Variants in FBXO11 observed in about 807,000 individuals in gnomAD.
The protein encoded by FBXO11 is F-box only protein 11.
A neutral mutation model predicts 117.0 loss-of-function variants in FBXO11; 13 were observed. The ratio of observed to expected loss-of-function variants is 0.11; its 90% CI spans 0.07 to 0.18. FBXO11 has a LOEUF of 0.18. FBXO11 is among the 10% of genes least tolerant of loss of function. The pLI, the probability that FBXO11 is intolerant of heterozygous loss-of-function variation, is 1.00. For synonymous variants in FBXO11, 490 were observed against 380.5 expected (o/e 1.29, Z -3.35); for missense variants, 767 against 1,164.4 (o/e 0.66, Z 4.97).
At chr2:47,858,499 T>C (rs905511372) in intron 1 of FBXO11, among the ~76,000 whole-genome samples, 4 of 149,786 alleles carry the variant, frequency 2.7e-5, no homozygotes, top group African/African-American at 4.9e-5. Flanking sequence ...CTGGCCATCA[T>C]GGTGTATCCC....
chr2:47,864,492 C>T (rs1471392440), intron 1 of FBXO11, among the ~76,000 whole-genome samples: 2 of 152,118 alleles, frequency 1.3e-5, no homozygotes, highest in Admixed American at 6.5e-5. Context: ...GAGGCTGAGG[C>T]AGGAGAATTG....
chr2:47,807,203 T>TTGTC lies in FBXO11; in HGVS notation c.*911_*914dup, dbSNP rs527978619. The stretch of plus-strand genomic sequence containing the variant: ...GAAATTGGTTTAATTTCCAGCAGTT[T>TTGTC]TGTCTAAACTGTTCAAAAAAAAACT... On this transcript the variant is annotated 3_prime_UTR_variant, in exon 23 of 23. Coordinates refer to ENST00000403359, the MANE Select transcript of FBXO11 (RefSeq NM_001190274.2). 104 of 260,530 alleles carry TTGTC rather than the reference T, an allele frequency of 4.0e-4. No individual in the cohort carries two copies. Among genetic ancestry groups the TTGTC allele is most frequent in the African/African-American group, 2.2e-3 (100 of 45,570 alleles). The allele number at this position is 260,530 out of a possible 1,614,324, so 16.1% of individuals were successfully genotyped here.
rs749546034 is a variant in FBXO11 at position 47,835,938 on chromosome 2, T to C, written c.651A>G (p.Lys217=). ...TRPMMHPEPG[K]FYQINPEEYE... is the part of the protein sequence containing the mutation. Reference sequence around the variant, plus strand: ...ACTCTTCTGGATTAATCTGGTAGAATTTTCCAGGTTCAGGATGCATCATAG... The same window carrying C: ...ACTCTTCTGGATTAATCTGGTAGAACTTTCCAGGTTCAGGATGCATCATAG... The change falls in exon 5 of 23, where the codon AAA becomes AAG. Residue 217 remains lysine, a synonymous_variant. Transcript: ENST00000403359. The C allele has an allele frequency of 5.6e-6, 9 of 1,612,064 alleles. No homozygotes were observed. The highest frequency in any genetic ancestry group is 1.6e-4 in the Middle Eastern group (1 of 6,064).
intron 1 of FBXO11, among the ~76,000 whole-genome samples, chr2:47,879,653 C>T (rs1002984961): frequency 3.9e-5 from 6 of 152,208 alleles, no homozygotes; most frequent in Non-Finnish European, 8.8e-5. Flanking sequence ...AGGCTACCCT[C>T]TGTCTATGAT....
At chr2:47,827,342 T>C (rs912583072) in intron 11 of FBXO11, among the ~76,000 whole-genome samples, 4 of 152,266 alleles carry the variant, frequency 2.6e-5, no homozygotes, top group African/African-American at 9.6e-5. Flanking sequence ...ACAGAGTGTC[T>C]GTCGCCCAGG....
At chr2:47,854,501 AAAAT>A (rs542521269) in intron 1 of FBXO11, among the ~76,000 whole-genome samples, 2 of 151,914 alleles carry the variant, frequency 1.3e-5, no homozygotes, top group African/African-American at 2.4e-5. Flanking sequence ...GAATAAAATA[AAAAT>A]AAATAAATAA....
intron 1 of FBXO11, among the ~76,000 whole-genome samples, chr2:47,897,399 C>G (rs1264673863): frequency 2.0e-5 from 3 of 152,086 alleles, no homozygotes; most frequent in African/African-American, 7.2e-5. Flanking sequence ...TAATTTCACA[C>G]TAAAGAAAAA....
chr2:47,858,585 G>C (rs1012280905), intron 1 of FBXO11, among the ~76,000 whole-genome samples: 3 of 149,570 alleles, frequency 2.0e-5, no homozygotes, highest in Non-Finnish European at 4.4e-5. Flanking sequence ...AGGAGGCTGA[G>C]GCAGGAGAAT....
At chr2:47,821,344 C>A (rs1243911601) in intron 13 of FBXO11, among the ~76,000 whole-genome samples, 1 of 152,122 alleles carries the variant, frequency 6.6e-6, no homozygotes, top group Non-Finnish European at 1.5e-5. Context: ...GGCGCGGTGG[C>A]TCACACCTGT....
intron 11 of FBXO11, among the ~76,000 whole-genome samples, chr2:47,825,871 C>T (rs570025912): frequency 2.5e-4 from 38 of 152,008 alleles, no homozygotes; most frequent in Non-Finnish European, 4.4e-4. Flanking sequence ...GCCACCATGC[C>T]GGGCCGACAA....
At chr2:47,855,536 A>T (rs1277951780) in intron 1 of FBXO11, among the ~76,000 whole-genome samples, 1 of 152,230 alleles carries the variant, frequency 6.6e-6, no homozygotes, top group African/African-American at 2.4e-5. Flanking sequence ...TGGAACACAC[A>T]AAAATAAAGG....
rs764534666 is a variant in FBXO11 at position 47,823,235 on chromosome 2, A to G, written c.1524T>C (p.His508=). The part of the protein sequence containing the change: ...HHGQTGGIYV[H]EKGRGQFIEN... ...CTATGAATTGTCCTCTTCCTTTTTCATGGACATATATTCCTCCAGTCTGCC... is the reference window on the plus strand; with the variant it reads ...CTATGAATTGTCCTCTTCCTTTTTCGTGGACATATATTCCTCCAGTCTGCC... Residue 508 remains histidine, a synonymous_variant, in exon 12 of 23, where the codon CAT becomes CAC. Coordinates refer to ENST00000403359, the MANE Select transcript of FBXO11 (RefSeq NM_001190274.2). 5.0e-6 allele frequency: 8 copies of G among 1,613,904 alleles called. No individual in the cohort carries two copies. Among genetic ancestry groups the G allele is most frequent in the Non-Finnish European group, 6.8e-6 (8 of 1,179,968 alleles).
chr2:47,854,741 AC>A (rs1291470008), intron 1 of FBXO11, among the ~76,000 whole-genome samples: 1 of 152,172 alleles, frequency 6.6e-6, no homozygotes, highest in Non-Finnish European at 1.5e-5. Context: ...TGCAGTGCTA[AC>A]ACGTTCCCAA....
intron 1 of FBXO11, among the ~76,000 whole-genome samples, chr2:47,868,884 A>T (rs1675399701): frequency 6.6e-6 from 1 of 152,194 alleles, no homozygotes; most frequent in African/African-American, 2.4e-5. Context: ...ATTTGTTCTC[A>T]CTGGCATAGA....
chr2:47,842,024 T>TA (rs1673048938), intron 1 of FBXO11, among the ~76,000 whole-genome samples: 1 of 150,970 alleles, frequency 6.6e-6, no homozygotes. Context: ...TATTTTTATT[T>TA]TTTTTTTTTG....
intron 1 of FBXO11, among the ~76,000 whole-genome samples, chr2:47,844,044 A>T (rs1402218556): frequency 6.6e-6 from 1 of 151,928 alleles, no homozygotes; most frequent in Non-Finnish European, 1.5e-5. Context: ...CCTGGCCTAG[A>T]TTTGCTTATT....
At chr2:47,834,967 C>A in intron 5 of FBXO11, 96 bp from the exon 6 acceptor site, 2 of 836,708 alleles carry the variant, frequency 2.4e-6, no homozygotes, top group South Asian at 3.5e-5. Flanking sequence ...TATTACAAAT[C>A]AAAAATAATT....
At chr2:47,810,528 T>C (rs1670539517) in intron 18 of FBXO11, 102 bp from the exon 19 acceptor site, 8 of 640,230 alleles carry the variant, frequency 1.2e-5, no homozygotes, top group South Asian at 2.5e-5. Context: ...TTTAACTGCA[T>C]GGTAAAATTC....
Position 47,813,941 on chromosome 2 carries a change from A to G in FBXO11, c.2007-74T>C, listed in dbSNP as rs1021557179. Reference sequence around the variant, plus strand: ...TATCTTCATGTTACGTGAGGTAAACAGTGGAGAAATCCACATAAGTCACTT... The same window carrying G: ...TATCTTCATGTTACGTGAGGTAAACGGTGGAGAAATCCACATAAGTCACTT... On this transcript the variant is annotated intron_variant, in intron 16 of 22. Transcript: ENST00000403359. 7.9e-6 allele frequency: 9 copies of G among 1,133,398 alleles called. No homozygotes were observed. The African/African-American group carries it at 1.2e-4, about 16-fold the overall frequency. 70.2% of individuals were successfully genotyped at this position (1,133,398 alleles called of 1,614,324 possible).
Sources: gnomAD v4.1 joint callset for allele counts (sites outside exome capture counted in the v4.1 genomes callset) on GRCh38, gnomAD v4.1.1 for gene constraint, MANE v1.5 for transcripts, NCBI Gene and HGNC (gene_info 2026-07-23, HGNC 2026-07-21) for gene names.